Variants in NAP1L1 observed in about 807,000 individuals in gnomAD.
NAP1L1 encodes the protein nucleosome assembly protein 1 like 1, also known as nucleosome assembly protein 1-like 1.
A neutral mutation model predicts 58.9 loss-of-function variants in NAP1L1; 9 were observed. The observed-to-expected ratio is 0.15, with a 90% CI of 0.09 to 0.27. The LOEUF is 0.27. Among genes scored for constraint, NAP1L1 ranks in the 10% least tolerant of loss-of-function variants. The probability of loss-of-function intolerance (pLI) is 1.00; values close to 1 mark genes in which losing one functional copy is unlikely to be tolerated. For missense variants in NAP1L1, 302 were observed against 458.8 expected (o/e 0.66, Z 3.12); for synonymous variants, 130 against 138.3 (o/e 0.94, Z 0.42).
intron 1 of NAP1L1, among the ~76,000 whole-genome samples, chr12:76,079,427 G>C (rs926125616): frequency 6.6e-6 from 1 of 152,086 alleles, no homozygotes; most frequent in Non-Finnish European, 1.5e-5. Context: ...TTGAACCCAG[G>C]AGTTTGAGGT....
chr12:76,076,087 T>G (rs558165945), intron 1 of NAP1L1, among the ~76,000 whole-genome samples: 2 of 152,324 alleles, frequency 1.3e-5, no homozygotes, highest in African/African-American at 4.8e-5. Flanking sequence ...ATAAAGAATC[T>G]AATGCCTTTG....
chr12:76,077,929 G>A (rs149694547), intron 1 of NAP1L1, among the ~76,000 whole-genome samples: 1,375 of 133,976 alleles, frequency 0.01, 19 homozygotes, highest in African/African-American at 0.036. Context: ...GCTGCAGTGA[G>A]CCGAGATCAC....
intron 14 of NAP1L1, 60 bp downstream of exon 14, chr12:76,049,140 A>G: frequency 6.7e-7 from 1 of 1,497,708 alleles, no homozygotes; most frequent in Admixed American, 1.7e-5. Flanking sequence ...ATATTCAAAA[A>G]CACCAACTCT....
chr12:76,065,552 A>G (rs1190002623), intron 4 of NAP1L1, among the ~76,000 whole-genome samples: 1 of 151,388 alleles, frequency 6.6e-6, no homozygotes, highest in Non-Finnish European at 1.5e-5. Context: ...AAAAACAGCA[A>G]TCCTCTGTAA....
chr12:76,065,191 T>A (rs1949605286), intron 4 of NAP1L1, among the ~76,000 whole-genome samples: 1 of 152,118 alleles, frequency 6.6e-6, no homozygotes, highest in African/African-American at 2.4e-5. Flanking sequence ...TATTTACTAT[T>A]TACTTAATAT....
chr12:76,056,491 C>A, intron 6 of NAP1L1: 1 of 389,614 alleles, frequency 2.6e-6, no homozygotes, highest in South Asian at 1.9e-5. Context: ...ATTGCCTCAC[C>A]CCATGGTGTT....
chr12:76,083,750 A>T (rs1950500142), intron 1 of NAP1L1: 2 of 152,252 alleles, frequency 1.3e-5, no homozygotes, highest in Admixed American at 1.3e-4. Context: ...TAACATCCAC[A>T]ATCTCTGGTA....
intron 3 of NAP1L1, among the ~76,000 whole-genome samples, chr12:76,068,051 A>T (rs1238376045): frequency 2.6e-5 from 4 of 152,222 alleles, no homozygotes; most frequent in African/African-American, 9.6e-5. Context: ...CTCAATCCAA[A>T]TATGCACTAG....
At position 76,062,341 on chromosome 12, in the gene NAP1L1, C is replaced by T. The variant is rs116424624; in HGVS notation, c.207-2062G>A. 4.6e-3 allele frequency among the ~76,000 whole-genome samples: 702 copies of T among 152,234 alleles called. 7 individuals carry two copies. Among genetic ancestry groups the T allele is most frequent in the African/African-American group, 0.016 (682 of 41,542 alleles). ...TGCTCTACTACTTAGGCTCACCCTGCGCCCTTCTCCTTGTCACAGACCTTC... is the reference window on the plus strand; with the variant it reads ...TGCTCTACTACTTAGGCTCACCCTGTGCCCTTCTCCTTGTCACAGACCTTC... On this transcript the variant is annotated intron_variant, in intron 4 of 14. Coordinates refer to ENST00000618691, the MANE Select transcript of NAP1L1 (RefSeq NM_004537.7).
chr12:76,048,172 A>C lies in NAP1L1; in HGVS notation c.*257T>G. ...AGCTGTACTCCAAGAGCTACATAAA[A>C]ATATTCCAGAAGAACCAAATTATGT... On this transcript the variant is annotated 3_prime_UTR_variant, in exon 15 of 15. Transcript: ENST00000618691. 2.3e-6 allele frequency: 1 copy of C among 436,288 alleles called. No homozygotes were observed. Among genetic ancestry groups the C allele is most frequent in the South Asian group, 5.9e-5 (1 of 16,818 alleles). 27.0% of individuals were successfully genotyped at this position (436,288 alleles called of 1,614,324 possible). A position where few individuals can be genotyped will look rare whatever the true frequency, so the allele number is the denominator to read the frequency against.
At chr12:76,061,130 T>G (rs778571141) in intron 4 of NAP1L1, 4 of 356,240 alleles carry the variant, frequency 1.1e-5, no homozygotes, top group South Asian at 8.4e-5. Flanking sequence ...ATAAAGTTCA[T>G]ACACCATACA....
intron 2 of NAP1L1, among the ~76,000 whole-genome samples, chr12:76,069,250 T>G (rs1949835913): frequency 6.6e-6 from 1 of 152,210 alleles, no homozygotes; most frequent in Non-Finnish European, 1.5e-5. Flanking sequence ...TGCAGGTTTT[T>G]GGGGAATGTG....
At chr12:76,056,781 G>GT in intron 6 of NAP1L1, 1 of 369,890 alleles carries the variant, frequency 2.7e-6, no homozygotes, top group South Asian at 2.1e-5. Flanking sequence ...GGGAAGTGAG[G>GT]TGGGTGGATC....
intron 1 of NAP1L1, among the ~76,000 whole-genome samples, chr12:76,081,770 AG>A (rs1380552603): frequency 6.6e-6 from 1 of 152,244 alleles, no homozygotes; most frequent in Non-Finnish European, 1.5e-5. Context: ...ACATATGGAT[AG>A]GTGTAAAGTA....
Position 76,048,306 on chromosome 12 carries a change from G to T in NAP1L1, c.*123C>A. On this transcript the variant is annotated 3_prime_UTR_variant, in exon 15 of 15. Coordinates refer to ENST00000618691, the MANE Select transcript of NAP1L1 (RefSeq NM_004537.7). Reference sequence around the variant, plus strand: ...TTGGTCTTTAAAATATCAGTTTCCTGTCCTTTAAAAAAAAATTACCTAGTC... The same window carrying T: ...TTGGTCTTTAAAATATCAGTTTCCTTTCCTTTAAAAAAAAATTACCTAGTC... 9.3e-7 allele frequency: 1 copy of T among 1,079,760 alleles called. No homozygotes were observed. The highest frequency in any genetic ancestry group is 1.4e-6 in the Non-Finnish European group (1 of 737,870). The allele number at this position is 1,079,760 out of a possible 1,614,324, so 66.9% of individuals were successfully genotyped here.
chr12:76,083,345 CCAAA>C (rs1394771178), intron 1 of NAP1L1, among the ~76,000 whole-genome samples: 1 of 152,008 alleles, frequency 6.6e-6, no homozygotes, highest in Non-Finnish European at 1.5e-5. Context: ...TCATAAAGGG[CCAAA>C]CATTTTATTT....
At chr12:76,063,146 T>A (rs1215427592) in intron 4 of NAP1L1, among the ~76,000 whole-genome samples, 1 of 152,202 alleles carries the variant, frequency 6.6e-6, no homozygotes, top group Non-Finnish European at 1.5e-5. Context: ...GAAAATTTTT[T>A]AAAAATCCAG....
intron 1 of NAP1L1, among the ~76,000 whole-genome samples, chr12:76,083,213 A>C (rs1950474017): frequency 6.6e-6 from 1 of 152,190 alleles, no homozygotes; most frequent in Admixed American, 6.5e-5. Flanking sequence ...CAAACTTGGC[A>C]AAGTTTATAC....
Position 76,053,187 on chromosome 12 carries a change from A to C in NAP1L1, c.916+18T>G, listed in dbSNP as rs1456378546. ...TTTATAAAACAACCGTTAATACTCA[A>C]GCTAAAACATTATTTACCTTCAGGA... On this transcript the variant is annotated intron_variant, in intron 10 of 14. Coordinates refer to ENST00000618691, the MANE Select transcript of NAP1L1 (RefSeq NM_004537.7). The C allele has an allele frequency of 6.2e-7, 1 of 1,613,190 alleles. No individual in the cohort carries two copies. Among genetic ancestry groups the C allele is most frequent in the Non-Finnish European group, 8.5e-7 (1 of 1,179,680 alleles).
Sources: gnomAD v4.1 joint callset for allele counts (sites outside exome capture counted in the v4.1 genomes callset) on GRCh38, gnomAD v4.1.1 for gene constraint, MANE v1.5 for transcripts, NCBI Gene and HGNC (gene_info 2026-07-23, HGNC 2026-07-21) for gene names.